The following ZFPM2 variants were observed in gnomAD, a reference collection of about 807,000 sequenced individuals.
ZFPM2 encodes zinc finger protein, FOG family member 2, also known as zinc finger protein ZFPM2.
ZFPM2 carries 20 observed loss-of-function variants against 98.6 expected under a neutral mutation model. The observed-to-expected ratio is 0.20, with a 90% CI of 0.14 to 0.29. ZFPM2 has a LOEUF of 0.29. ZFPM2 is among the 10% of genes least tolerant of loss of function. The pLI is 1.00. For synonymous variants in ZFPM2, 518 were observed against 502.7 expected (o/e 1.03, Z -0.41); for missense variants, 1,310 against 1,388.6 (o/e 0.94, Z 0.90).
intron 2 of ZFPM2, among the ~76,000 whole-genome samples, chr8:105,439,585 T>C (rs929232648): frequency 6.6e-6 from 1 of 152,172 alleles, no homozygotes. Flanking sequence ...AAGTTCCTTA[T>C]GCAGAAACTA....
chr8:105,549,518 T>TCTTC (rs766530405), intron 3 of ZFPM2, among the ~76,000 whole-genome samples: 2,401 of 48,476 alleles, frequency 0.05, 50 homozygotes, highest in East Asian at 0.14. Flanking sequence ...CTCCCTCCCA[T>TCTTC]CTTCCTTCCT....
intron 3 of ZFPM2, among the ~76,000 whole-genome samples, chr8:105,489,466 A>ATATATATATATATATTTTTTTTTT (rs1554610604): frequency 8.3e-6 from 1 of 119,778 alleles, no homozygotes; most frequent in African/African-American, 3.6e-5. Flanking sequence ...ATATATATAT[A>ATATATATATATATATTTTTTTTTT]TTTTTTTTTT....
intron 1 of ZFPM2, among the ~76,000 whole-genome samples, chr8:105,324,524 C>G (rs1169387471): frequency 1.3e-5 from 2 of 151,628 alleles, no homozygotes; most frequent in African/African-American, 4.8e-5. Flanking sequence ...TAGTTGTTAC[C>G]ACTGGAAAAA....
At chr8:105,602,953 T>C (rs1816122714) in intron 4 of ZFPM2, among the ~76,000 whole-genome samples, 1 of 152,124 alleles carries the variant, frequency 6.6e-6, no homozygotes, top group South Asian at 2.1e-4. Context: ...GAAAAGCTTA[T>C]TGATAAATTA....
intron 1 of ZFPM2, chr8:105,319,814 G>C (rs1482898605): frequency 6.6e-6 from 1 of 152,178 alleles, no homozygotes; most frequent in Non-Finnish European, 1.5e-5. Context: ...CGGGTGCCCG[G>C]GGGTCCCGAT....
intron 5 of ZFPM2, among the ~76,000 whole-genome samples, chr8:105,788,136 T>G (rs1262923364): frequency 6.6e-6 from 1 of 152,176 alleles, no homozygotes; most frequent in African/African-American, 2.4e-5. Flanking sequence ...TAAAGATTAT[T>G]CAGCCAGAAA....
rs1210823785 is a variant in ZFPM2, at chr8:105,342,830, G to A, written c.40+23849G>A. 5.3e-5 allele frequency among the ~76,000 whole-genome samples: 8 copies of A among 151,888 alleles called. No individual in the cohort carries two copies. In the Admixed American group the frequency reaches 5.3e-4, roughly 10 times the overall value. On this transcript the variant is annotated intron_variant, in intron 1 of 7. Coordinates refer to ENST00000407775, the MANE Select transcript of ZFPM2 (RefSeq NM_012082.4). ...ATTTGTTTTTCTGGATATGAAAATA[G>A]CAACATATGACATAATAGATCTCTA... is the stretch of plus-strand genomic sequence containing the variant.
At chr8:105,564,824 T>C (rs1216113535) in intron 4 of ZFPM2, among the ~76,000 whole-genome samples, 1 of 152,136 alleles carries the variant, frequency 6.6e-6, no homozygotes, top group Non-Finnish European at 1.5e-5. Context: ...GGGCAAAATA[T>C]TTATTATGTA....
chr8:105,424,662 A>G (rs1811871113), intron 2 of ZFPM2, among the ~76,000 whole-genome samples: 1 of 152,366 alleles, frequency 6.6e-6, no homozygotes, highest in East Asian at 1.9e-4. Context: ...CCCATAAGTA[A>G]TTAATACCAA....
At chr8:105,522,024 C>T (rs1325370375) in intron 3 of ZFPM2, among the ~76,000 whole-genome samples, 1 of 152,090 alleles carries the variant, frequency 6.6e-6, no homozygotes, top group Non-Finnish European at 1.5e-5. Context: ...AGAATTCATC[C>T]AGATATTGTT....
intron 3 of ZFPM2, among the ~76,000 whole-genome samples, chr8:105,492,537 C>A (rs1586412496): frequency 1.3e-5 from 2 of 151,956 alleles, no homozygotes. Flanking sequence ...GGAAAATTGC[C>A]CTACACATAA....
At chr8:105,704,508 C>T (rs1406225052) in intron 5 of ZFPM2, among the ~76,000 whole-genome samples, 1 of 152,140 alleles carries the variant, frequency 6.6e-6, no homozygotes, top group Non-Finnish European at 1.5e-5. Context: ...GCTCTTCCAA[C>T]CCCCACCCCT....
intron 5 of ZFPM2, among the ~76,000 whole-genome samples, chr8:105,681,778 G>T (rs1253375119): frequency 6.6e-6 from 1 of 151,978 alleles, no homozygotes; most frequent in Non-Finnish European, 1.5e-5. Flanking sequence ...AGGACATTAG[G>T]GGAAACCAGT....
At position 105,340,794 on chromosome 8, in the gene ZFPM2, G is replaced by A. The variant is rs76425161; in HGVS notation, c.40+21813G>A. On this transcript the variant is annotated intron_variant, in intron 1 of 7. Transcript: ENST00000407775. ...CGTACATTCTAGAGGTTGGCAACAG[G>A]CAATAAACACAATAACTCAGTGAAT... Among the ~76,000 whole-genome samples the A allele has an allele frequency of 1.4e-4, 22 of 151,998 alleles. No individual in the cohort carries two copies. In the East Asian group the frequency reaches 4.3e-3, roughly 29 times the overall value.
At chr8:105,775,898 C>T (rs1431366535) in intron 5 of ZFPM2, among the ~76,000 whole-genome samples, 1 of 152,066 alleles carries the variant, frequency 6.6e-6, no homozygotes, top group Non-Finnish European at 1.5e-5. Flanking sequence ...CCATGGCCTC[C>T]AACACATTAA....
At chr8:105,518,005 C>T (rs1226121053) in intron 3 of ZFPM2, among the ~76,000 whole-genome samples, 4 of 152,118 alleles carry the variant, frequency 2.6e-5, no homozygotes, top group Non-Finnish European at 5.9e-5. Flanking sequence ...TACTCTATTA[C>T]CATAGCATGG....
intron 5 of ZFPM2, among the ~76,000 whole-genome samples, chr8:105,660,808 C>A (rs1217330417): frequency 1.3e-5 from 2 of 152,148 alleles, no homozygotes; most frequent in African/African-American, 4.8e-5. Context: ...TAAACTCCTA[C>A]TAATACTACA....
Position 105,325,086 on chromosome 8 carries a change from T to C in ZFPM2, c.40+6105T>C, listed in dbSNP as rs1466193613. Reference sequence around the variant, plus strand: ...CTAGTAGGATATTTCAGAGAAACACTGCAGATGTTTTTGAAACCCGGTCTA... The same window carrying C: ...CTAGTAGGATATTTCAGAGAAACACCGCAGATGTTTTTGAAACCCGGTCTA... On this transcript the variant is annotated intron_variant, in intron 1 of 7. Coordinates refer to ENST00000407775, the MANE Select transcript of ZFPM2 (RefSeq NM_012082.4). Among the ~76,000 whole-genome samples the C allele has an allele frequency of 2.6e-5, 4 of 151,832 alleles. No individual in the cohort carries two copies. In the East Asian group the frequency reaches 7.7e-4, roughly 29 times the overall value.
intron 5 of ZFPM2, among the ~76,000 whole-genome samples, chr8:105,725,663 A>C (rs1811793940): frequency 1.3e-5 from 2 of 151,756 alleles, no homozygotes; most frequent in Admixed American, 6.6e-5. Context: ...TCCAGCAGGA[A>C]AACAGAAGAC....
Sources: allele counts gnomAD v4.1 joint callset (sites outside exome capture counted in the v4.1 genomes callset), GRCh38; gene constraint gnomAD v4.1.1; transcripts MANE v1.5; gene names NCBI Gene and HGNC (gene_info 2026-07-23, HGNC 2026-07-21).